The following C13orf42 variants were observed in gnomAD, a reference collection of about 807,000 sequenced individuals.
The protein encoded by C13orf42 is uncharacterized protein C13orf42.
At chr13:51,149,162 T>C (rs1328848334) in intron 1 of C13orf42, among the ~76,000 whole-genome samples, 2 of 152,086 alleles carry the variant, frequency 1.3e-5, no homozygotes, top group African/African-American at 2.4e-5. Flanking sequence ...CTTCATATTT[T>C]CCCACTAGAT....
intron 1 of C13orf42, chr13:51,162,108 C>T: frequency 3.1e-6 from 1 of 323,632 alleles, no homozygotes; most frequent in Non-Finnish European, 6.1e-6. Context: ...TGTGCATAAG[C>T]TGCACAGACT....
intron 1 of C13orf42, among the ~76,000 whole-genome samples, chr13:51,153,458 G>GAGAC (rs1463684821): frequency 6.6e-6 from 1 of 150,626 alleles, no homozygotes; most frequent in African/African-American, 2.5e-5. Context: ...GAGAGAGAGA[G>GAGAC]AGACAGAGAT....
chr13:51,113,529 G>A (rs1566129849), upstream of C13orf42, among the ~76,000 whole-genome samples: 3 of 152,040 alleles, frequency 2.0e-5, no homozygotes, highest in Admixed American at 6.6e-5. Context: ...TATAAGAAAC[G>A]GGTGTGAAAT....
intron 1 of C13orf42, among the ~76,000 whole-genome samples, chr13:51,126,565 T>G (rs1335166840): frequency 1.3e-5 from 2 of 152,190 alleles, no homozygotes; most frequent in African/African-American, 4.8e-5. Flanking sequence ...CAGGGTTCTG[T>G]GATGCTTTAT....
upstream of C13orf42, among the ~76,000 whole-genome samples, chr13:51,114,647 G>GAGAGAGAT (rs1555266728): frequency 1.6e-5 from 1 of 63,292 alleles, no homozygotes; most frequent in African/African-American, 7.1e-5. Flanking sequence ...TAGATAGATA[G>GAGAGAGAT]AGATAGACAG....
At chr13:51,086,493 A>AGT (rs985680373) in intron 2 of C13orf42, among the ~76,000 whole-genome samples, 1 of 146,702 alleles carries the variant, frequency 6.8e-6, no homozygotes, top group Non-Finnish European at 1.5e-5. Flanking sequence ...TGTGTAAGAG[A>AGT]GTGTGTGTGT....
At chr13:51,139,841 C>T (rs1488135523) in intron 1 of C13orf42, among the ~76,000 whole-genome samples, 1 of 152,206 alleles carries the variant, frequency 6.6e-6, no homozygotes, top group Non-Finnish European at 1.5e-5. Flanking sequence ...CTCAGAGCTG[C>T]TCTGCCTATG....
chr13:51,123,150 G>C (rs954230742), intron 1 of C13orf42, among the ~76,000 whole-genome samples: 1 of 152,202 alleles, frequency 6.6e-6, no homozygotes, highest in Non-Finnish European at 1.5e-5. Context: ...CCCTCCCCCA[G>C]GGACCCTAGC....
At chr13:51,132,815 A>G (rs1243837961) in intron 1 of C13orf42, among the ~76,000 whole-genome samples, 1 of 152,140 alleles carries the variant, frequency 6.6e-6, no homozygotes, top group African/African-American at 2.4e-5. Context: ...AAGTCACAGG[A>G]TGAGATAGGA....
chr13:51,137,753 G>C (rs918606982), intron 1 of C13orf42, among the ~76,000 whole-genome samples: 1 of 152,120 alleles, frequency 6.6e-6, no homozygotes, highest in African/African-American at 2.4e-5. Context: ...AACTCTGGAA[G>C]TTTTAGGAAA....
chr13:51,138,515 G>C (rs951263511), intron 1 of C13orf42, among the ~76,000 whole-genome samples: 3 of 151,690 alleles, frequency 2.0e-5, no homozygotes, highest in African/African-American at 7.3e-5. Flanking sequence ...ACCAGAATGA[G>C]ATACCACCTC....
At chr13:51,152,011 G>A (rs1953781521) in intron 1 of C13orf42, among the ~76,000 whole-genome samples, 1 of 152,216 alleles carries the variant, frequency 6.6e-6, no homozygotes, top group South Asian at 2.1e-4. Flanking sequence ...CCTACCAGGA[G>A]AGAATCTTCA....
At chr13:51,119,653 CAA>C (rs764797199) in intron 1 of C13orf42, among the ~76,000 whole-genome samples, 24 of 152,210 alleles carry the variant, frequency 1.6e-4, no homozygotes, top group Non-Finnish European at 3.4e-4. Flanking sequence ...AAGACAGACA[CAA>C]AAAGACAAAT....
At chr13:51,085,109 C>G (rs992506199) in intron 3 of C13orf42, among the ~76,000 whole-genome samples, 1 of 151,402 alleles carries the variant, frequency 6.6e-6, no homozygotes, top group Admixed American at 6.6e-5. Context: ...AAGTTAGGAG[C>G]AGTGCACCAG....
At chr13:51,119,407 AGCTT>A (rs1953516126) in intron 1 of C13orf42, among the ~76,000 whole-genome samples, 1 of 152,170 alleles carries the variant, frequency 6.6e-6, no homozygotes, top group Non-Finnish European at 1.5e-5. Context: ...TTGTCTGATC[AGCTT>A]GTCTCTAGCA....
rs1953077784 is a variant in C13orf42, at chr13:51,082,800, G to A, written c.*1351C>T. 1 of 152,106 alleles carries A rather than the reference G, an allele frequency of 6.6e-6. No homozygotes were observed. The highest frequency in any genetic ancestry group is 2.4e-5 in the African/African-American group (1 of 41,406). The allele number at this position is 152,106 out of a possible 1,614,324, so 9.4% of individuals were successfully genotyped here. On this transcript the variant is annotated 3_prime_UTR_variant, in exon 4 of 4. Transcript: ENST00000563710. ...AGAGGTATTAAAACATTTCTAGTAT[G>A]GTTTCATTCTGAAAACATGTTGAGA... is the stretch of plus-strand genomic sequence containing the variant.
chr13:51,093,557 A>G (rs539529743), intron 1 of C13orf42, among the ~76,000 whole-genome samples: 3 of 152,316 alleles, frequency 2.0e-5, no homozygotes, highest in Non-Finnish European at 2.9e-5. Flanking sequence ...GTTTAATTCA[A>G]TTCAGATTTA....
intron 1 of C13orf42, among the ~76,000 whole-genome samples, chr13:51,135,630 G>A (rs1953651699): frequency 1.3e-5 from 2 of 151,202 alleles, no homozygotes; most frequent in East Asian, 1.9e-4. Flanking sequence ...TCCAGCCTGG[G>A]CAACAGAGCA....
chr13:51,131,230 C>A (rs1006823838), intron 1 of C13orf42, among the ~76,000 whole-genome samples: 4 of 152,180 alleles, frequency 2.6e-5, no homozygotes. Flanking sequence ...CTACCTGATT[C>A]CTCCAGAATT....
Sources: gnomAD v4.1 joint callset for allele counts (sites outside exome capture counted in the v4.1 genomes callset) on GRCh38, gnomAD v4.1.1 for gene constraint, MANE v1.5 for transcripts, NCBI Gene and HGNC (gene_info 2026-07-23, HGNC 2026-07-21) for gene names.